ARHGAP26: variants seen among roughly 807,000 people sequenced by gnomAD.
The protein encoded by ARHGAP26 is rho GTPase-activating protein 26.
Under a neutral mutation model 104.8 loss-of-function variants are expected in ARHGAP26, and 38 were observed. That is an observed-to-expected ratio of 0.36 (90% CI 0.28 to 0.48). The LOEUF is 0.48. Among genes scored for constraint, ARHGAP26 ranks in the 20% least tolerant of loss-of-function variants. The pLI, the probability that ARHGAP26 is intolerant of heterozygous loss-of-function variation, is 0.99. For synonymous variants in ARHGAP26, 341 were observed against 340.0 expected, an observed-to-expected ratio of 1.00 and a Z score of -0.03; for missense variants, 704 against 947.9, an observed-to-expected ratio of 0.74 and a Z score of 3.38.
chr5:142,816,934 G>A (rs1438880055), intron 1 of ARHGAP26, among the ~76,000 whole-genome samples: 1 of 152,108 alleles, frequency 6.6e-6, no homozygotes, highest in African/African-American at 2.4e-5. Flanking sequence ...AGTGTGGGAA[G>A]AAGAGGGCTT....
intron 1 of ARHGAP26, among the ~76,000 whole-genome samples, chr5:142,790,822 G>C (rs1430217126): frequency 6.6e-6 from 1 of 152,148 alleles, no homozygotes; most frequent in Non-Finnish European, 1.5e-5. Context: ...TCCTCTCAGA[G>C]AGTCCTCCTC....
chr5:143,181,556 A>T (rs1467474969), intron 20 of ARHGAP26, among the ~76,000 whole-genome samples: 1 of 151,958 alleles, frequency 6.6e-6, no homozygotes, highest in East Asian at 1.9e-4. Flanking sequence ...TATTTGTCTC[A>T]TTCTCTGTGG....
chr5:142,832,114 A>G (rs576808939), intron 1 of ARHGAP26, among the ~76,000 whole-genome samples: 3 of 152,288 alleles, frequency 2.0e-5, no homozygotes, highest in Admixed American at 1.3e-4. Flanking sequence ...TGTTGTTCAG[A>G]TGGTCACAGA....
intron 17 of ARHGAP26, among the ~76,000 whole-genome samples, chr5:143,080,627 C>T (rs79320283): frequency 1.3e-5 from 2 of 152,182 alleles, no homozygotes; most frequent in Admixed American, 6.5e-5. Flanking sequence ...GGCGTGGTCA[C>T]GGAACAGTAA....
intron 18 of ARHGAP26, among the ~76,000 whole-genome samples, chr5:143,125,356 G>T (rs1327328224): frequency 6.6e-6 from 1 of 152,120 alleles, no homozygotes. Flanking sequence ...GTACCTGCAA[G>T]TCTAGAAACA....
At chr5:143,091,224 TC>T (rs1427892126) in intron 17 of ARHGAP26, among the ~76,000 whole-genome samples, 1 of 152,224 alleles carries the variant, frequency 6.6e-6, no homozygotes, top group Non-Finnish European at 1.5e-5. Context: ...TGAACAGCAG[TC>T]TCAGTGGTTA....
chr5:143,016,944 C>G (rs769846797), intron 12 of ARHGAP26, among the ~76,000 whole-genome samples: 24 of 152,102 alleles, frequency 1.6e-4, no homozygotes, highest in Non-Finnish European at 2.9e-4. Context: ...ATGCAAACCC[C>G]CCATAAGGCT....
At chr5:143,045,611 A>G (rs1194456968) in intron 14 of ARHGAP26, among the ~76,000 whole-genome samples, 2 of 152,178 alleles carry the variant, frequency 1.3e-5, no homozygotes, top group Non-Finnish European at 2.9e-5. Context: ...TTTATTATAC[A>G]TTCATTGGAT....
chr5:143,182,687 A>AC (rs2151198243), intron 20 of ARHGAP26, among the ~76,000 whole-genome samples: 1 of 152,216 alleles, frequency 6.6e-6, no homozygotes, highest in South Asian at 2.1e-4. Context: ...ATTTTTATAT[A>AC]CTCATAGCCC....
chr5:142,995,535 G>T (rs1014737992), intron 11 of ARHGAP26, among the ~76,000 whole-genome samples: 2 of 152,248 alleles, frequency 1.3e-5, no homozygotes, highest in Non-Finnish European at 2.9e-5. Context: ...AGGATGTGGA[G>T]AAATAGGAAC....
rs749597249 is a variant in ARHGAP26, at chr5:142,901,983, G to A, written c.646G>A (p.Glu216Lys). 1.2e-6 allele frequency: 2 copies of A among 1,613,954 alleles called. No homozygotes were observed. The highest frequency in any genetic ancestry group is 1.7e-6 in the Non-Finnish European group (2 of 1,179,880). Residue 216 changes from glutamate to lysine, a missense_variant, in exon 7 of 23, where the codon GAA becomes AAA. Physicochemically the swap from Glu to Lys is moderately conservative, Grantham distance 56. This residue lies in a region of ARHGAP26 where 16 missense variants were observed against 46.4 expected (regional missense o/e 0.34). Transcript: ENST00000645722. ...GLFTFYHHGYELAKDFGDFKT... is the reference protein window; with the variant it reads ...GLFTFYHHGYKLAKDFGDFKT... Reference sequence around the variant, plus strand: ...CTTCACTTTCTATCACCATGGTTACGAACTGGCCAAGGATTTCGGGGACTT... The same window carrying A: ...CTTCACTTTCTATCACCATGGTTACAAACTGGCCAAGGATTTCGGGGACTT...
At chr5:142,940,942 G>T (rs1766201040) in intron 11 of ARHGAP26, among the ~76,000 whole-genome samples, 2 of 151,794 alleles carry the variant, frequency 1.3e-5, no homozygotes, top group Admixed American at 6.6e-5. Flanking sequence ...GGGCATGGTG[G>T]CGGGTGCCTG....
rs144648262 is a variant in ARHGAP26, at chr5:143,030,138, G to A, written c.1145-7058G>A. Among the ~76,000 whole-genome samples, 1,051 of 152,338 alleles carry A rather than the reference G, an allele frequency of 6.9e-3. 13 individuals carry two copies. The highest frequency in any genetic ancestry group is 0.021 in the South Asian group (102 of 4,822). Reference sequence around the variant, plus strand: ...ATTTCTTGGTTTTCTGAATACTGAAGGTTGGAGTTGAGCAACTGCAGGTCA... The same window carrying A: ...ATTTCTTGGTTTTCTGAATACTGAAAGTTGGAGTTGAGCAACTGCAGGTCA... On this transcript the variant is annotated intron_variant, in intron 12 of 22. Coordinates refer to ENST00000645722, the MANE Select transcript of ARHGAP26 (RefSeq NM_001135608.3).
At chr5:142,782,771 AT>A (rs1757782629) in intron 1 of ARHGAP26, among the ~76,000 whole-genome samples, 1 of 152,184 alleles carries the variant, frequency 6.6e-6, no homozygotes, top group Non-Finnish European at 1.5e-5. Context: ...TTACAATATT[AT>A]TGTGAGGAGC....
chr5:143,147,372 C>A lies in ARHGAP26; in HGVS notation c.1979C>A (p.Pro660His), dbSNP rs1468477869. ...CTGGCTGTGGTCAAACCCACCCGGC[C>A]CAACTCACTGTAAGTATGATGTCCA... ...PDLAVVKPTRPNSLPPNPSPT... is the reference protein window; with the variant it reads ...PDLAVVKPTRHNSLPPNPSPT... The change falls in exon 20 of 23, where the codon CCC becomes CAC. Residue 660 changes from proline to histidine, a missense_variant. By Grantham distance (77) the Pro-to-His change is moderately conservative. Transcript: ENST00000645722. The A allele has an allele frequency of 6.2e-7, 1 of 1,613,146 alleles. No individual in the cohort carries two copies. Among genetic ancestry groups the A allele is most frequent in the Non-Finnish European group, 8.5e-7 (1 of 1,179,596 alleles).
At chr5:142,872,890 A>G (rs1055478106) in intron 1 of ARHGAP26, among the ~76,000 whole-genome samples, 1 of 152,170 alleles carries the variant, frequency 6.6e-6, no homozygotes, top group Admixed American at 6.5e-5. Flanking sequence ...GCCAGGTGCT[A>G]TGGGCAGGGC....
intron 1 of ARHGAP26, among the ~76,000 whole-genome samples, chr5:142,783,280 C>T (rs891297737): frequency 6.6e-6 from 1 of 152,238 alleles, no homozygotes; most frequent in Admixed American, 6.5e-5. Context: ...TGGCTCCACG[C>T]CTGGGATCCA....
chr5:142,823,754 G>A (rs1766670544), intron 1 of ARHGAP26, among the ~76,000 whole-genome samples: 1 of 152,306 alleles, frequency 6.6e-6, no homozygotes, highest in Non-Finnish European at 1.5e-5. Flanking sequence ...GTGTTAACAA[G>A]TATTTGATGG....
chr5:142,827,122 AT>A (rs996031257), intron 1 of ARHGAP26, among the ~76,000 whole-genome samples: 22 of 145,264 alleles, frequency 1.5e-4, no homozygotes, highest in African/African-American at 2.6e-4. Context: ...TTTAAATCCT[AT>A]TTTTTTTCTA....
Sources: allele counts gnomAD v4.1 joint callset (sites outside exome capture counted in the v4.1 genomes callset), GRCh38; gene constraint gnomAD v4.1.1; regional missense constraint gnomAD v4.1.1; transcripts MANE v1.5; gene names NCBI Gene and HGNC (gene_info 2026-07-23, HGNC 2026-07-21).